MBTPS1: variants seen among roughly 807,000 people sequenced by gnomAD.
The protein encoded by MBTPS1 is membrane bound transcription factor peptidase, site 1.
Under a neutral mutation model 127.8 loss-of-function variants are expected in MBTPS1, and 94 were observed. The ratio of observed to expected loss-of-function variants is 0.74; its 90% CI spans 0.62 to 0.87. The LOEUF is 0.87. Among genes scored for constraint, MBTPS1 ranks in the 40% least tolerant of loss-of-function variants. The pLI, the probability that MBTPS1 is intolerant of heterozygous loss-of-function variation, is 0.00. For missense variants in MBTPS1, 1,636 were observed against 1,353.2 expected (o/e 1.21, Z -3.28); for synonymous variants, 632 against 509.4 (o/e 1.24, Z -3.24).
chr16:84,096,217 T>G lies in MBTPS1; in HGVS notation c.422-412A>C, dbSNP rs544060182. Among the ~76,000 whole-genome samples the G allele has an allele frequency of 1.1e-4, 17 of 152,290 alleles. No homozygotes were observed. The South Asian group carries it at 3.5e-3, about 32-fold the overall frequency. ...ATTGAGTTTTATTTTTACTATAAGT[T>G]TCACTAGATTTCTTGGGCAGGCAAA... On this transcript the variant is annotated intron_variant, in intron 3 of 22. Transcript: ENST00000343411.
chr16:84,085,393 C>A (rs533084715), intron 9 of MBTPS1, among the ~76,000 whole-genome samples: 1 of 152,036 alleles, frequency 6.6e-6, no homozygotes, highest in East Asian at 1.9e-4. Flanking sequence ...ACAGTAAGAC[C>A]CCCATCTCCA....
At chr16:84,063,179 G>T (rs1250865493) in intron 19 of MBTPS1, 126 bp downstream of exon 19, 1 of 975,618 alleles carries the variant, frequency 1.0e-6, no homozygotes, top group Non-Finnish European at 1.5e-6. Context: ...AACATCTCCA[G>T]CTGAGCCTGG....
At chr16:84,098,405 G>A (rs2151166755) in intron 3 of MBTPS1, among the ~76,000 whole-genome samples, 1 of 152,350 alleles carries the variant, frequency 6.6e-6, no homozygotes, top group Non-Finnish European at 1.5e-5. Flanking sequence ...GAGGTCAGGA[G>A]TTCAAGACCA....
intron 15 of MBTPS1, 96 bp from the exon 16 acceptor site, chr16:84,067,919 A>G (rs2085710996): frequency 8.3e-7 from 1 of 1,201,776 alleles, no homozygotes; most frequent in African/African-American, 1.5e-5. Flanking sequence ...GTCTCAGGTT[A>G]CTGACACCTA....
intron 19 of MBTPS1, 32 bp from the exon 20 acceptor site, chr16:84,060,845 C>CTTT: frequency 2.5e-6 from 3 of 1,189,248 alleles, no homozygotes; most frequent in Non-Finnish European, 3.4e-6. Context: ...TTAGGAATTC[C>CTTT]TTTTTTTTTT....
At chr16:84,066,720 C>A (rs111644280) in intron 16 of MBTPS1, 107 bp from the exon 17 acceptor site, 3 of 1,130,094 alleles carry the variant, frequency 2.7e-6, no homozygotes, top group African/African-American at 1.6e-5. Context: ...CAATCCAGTC[C>A]TTCCACACTA....
Position 84,093,237 on chromosome 16 carries a change from A to C in MBTPS1, c.797T>G (p.Phe266Cys), listed in dbSNP as rs748050140. The part of the protein sequence containing the change: ...VIASMRECQG[F>C]APDAELHIFR... ...AATGTGAAGTTCTGCATCTGGAGCA[A>C]ATCCTTGGCACTCCCTCATGCTGGC... Residue 266 changes from phenylalanine to cysteine, a missense_variant, in exon 6 of 23, where the codon TTT becomes TGT. By Grantham distance (205) the Phe-to-Cys change is radical (BLOSUM62 -2). Transcript: ENST00000343411. 2 of 1,614,106 alleles carry C rather than the reference A, an allele frequency of 1.2e-6. No individual in the cohort carries two copies. The highest frequency in any genetic ancestry group is 2.2e-5 in the South Asian group (2 of 91,082).
intron 13 of MBTPS1, 47 bp from the exon 14 acceptor site, chr16:84,070,085 G>A (rs1293004845): frequency 6.7e-7 from 1 of 1,482,344 alleles, no homozygotes; most frequent in Non-Finnish European, 9.1e-7. Context: ...TGTGCAGAAA[G>A]AAACTTTCAG....
intron 2 of MBTPS1, among the ~76,000 whole-genome samples, chr16:84,100,174 G>C (rs924412911): frequency 1.3e-5 from 2 of 152,220 alleles, no homozygotes; most frequent in Non-Finnish European, 2.9e-5. Context: ...CATTCTGGGA[G>C]GTCGAAGTGG....
At chr16:84,089,830 G>C (rs1363558032) in intron 8 of MBTPS1, among the ~76,000 whole-genome samples, 2 of 152,250 alleles carry the variant, frequency 1.3e-5, no homozygotes, top group East Asian at 3.8e-4. Flanking sequence ...CTGAACCGAT[G>C]AGTGCCAGCC....
rs910761875 is a variant in MBTPS1 at position 84,068,567 on chromosome 16, G to T, written c.1956-113C>A. On this transcript the variant is annotated intron_variant, in intron 14 of 22. Transcript: ENST00000343411. ...CACCATGCCATGGCCCACAGAGAAG[G>T]CCTGGATGGCTGGCCCACTGGCACA... 1.5e-5 allele frequency: 11 copies of T among 725,352 alleles called. No homozygotes were observed. The East Asian group carries it at 1.8e-4, about 12-fold the overall frequency. The allele number at this position is 725,352 out of a possible 1,614,324, so 44.9% of individuals were successfully genotyped here. A position where few individuals can be genotyped will look rare whatever the true frequency, so the allele number is the denominator to read the frequency against.
intron 11 of MBTPS1, among the ~76,000 whole-genome samples, chr16:84,077,289 C>T (rs1386716617): frequency 6.8e-6 from 1 of 146,354 alleles, no homozygotes; most frequent in African/African-American, 2.5e-5. Flanking sequence ...AAAGAATACC[C>T]AAGAAAACAA....
chr16:84,077,280 A>G (rs2085872532), intron 11 of MBTPS1, among the ~76,000 whole-genome samples: 2 of 151,854 alleles, frequency 1.3e-5, no homozygotes. Flanking sequence ...AAAGAAAGAA[A>G]AGAATACCCA....
intron 1 of MBTPS1, among the ~76,000 whole-genome samples, chr16:84,105,121 A>G (rs1203556439): frequency 6.6e-6 from 1 of 152,010 alleles, no homozygotes; most frequent in African/African-American, 2.4e-5. Context: ...AAAATAAATA[A>G]ATGAAAAAAA....
chr16:84,079,403 T>C (rs927396945), intron 11 of MBTPS1, among the ~76,000 whole-genome samples: 1 of 151,928 alleles, frequency 6.6e-6, no homozygotes. Flanking sequence ...GTGGGGGAAA[T>C]CTAAAAAGGA....
intron 13 of MBTPS1, 121 bp downstream of exon 13, chr16:84,070,467 C>A (rs1007168356): frequency 1.0e-6 from 1 of 987,260 alleles, no homozygotes; most frequent in African/African-American, 1.6e-5. Flanking sequence ...TTGTGGCCAT[C>A]GAGGATAAGC....
chr16:84,072,278 A>T (rs2085781232), intron 12 of MBTPS1: 1 of 152,294 alleles, frequency 6.6e-6, no homozygotes, highest in Non-Finnish European at 1.5e-5. Context: ...AAGCCCACAG[A>T]GACAGAAAGC....
intron 1 of MBTPS1, among the ~76,000 whole-genome samples, chr16:84,109,839 C>A (rs1019343952): frequency 6.6e-6 from 1 of 152,146 alleles, no homozygotes; most frequent in African/African-American, 2.4e-5. Context: ...AGTGATGTAT[C>A]AAGACTAATT....
At chr16:84,086,871 G>C (rs1232095175) in intron 9 of MBTPS1, among the ~76,000 whole-genome samples, 1 of 152,192 alleles carries the variant, frequency 6.6e-6, no homozygotes, top group East Asian at 1.9e-4. Context: ...ATTATTAACT[G>C]TAGCAGTTAT....
Sources: gnomAD v4.1 joint callset for allele counts (sites outside exome capture counted in the v4.1 genomes callset) on GRCh38, gnomAD v4.1.1 for gene constraint, MANE v1.5 for transcripts, NCBI Gene and HGNC (gene_info 2026-07-23, HGNC 2026-07-21) for gene names.